FLRT1: variants seen among roughly 807,000 people sequenced by gnomAD.
FLRT1 encodes leucine-rich repeat transmembrane protein FLRT1.
In FLRT1, 14 loss-of-function variants were observed where a neutral mutation model predicts 30.9. The observed-to-expected ratio is 0.45, with a 90% CI of 0.30 to 0.71. The LOEUF (loss-of-function observed/expected upper bound fraction) is 0.71. Ranked by LOEUF, FLRT1 falls within the 30% of genes least tolerant of loss-of-function variation. The probability of loss-of-function intolerance (pLI) is 0.08; values close to 1 mark genes in which losing one functional copy is unlikely to be tolerated. For synonymous variants in FLRT1, 368 were observed against 430.4 expected (o/e 0.85, Z 1.80); for missense variants, 737 against 949.2 (o/e 0.78, Z 2.94).
intron 1 of FLRT1, among the ~76,000 whole-genome samples, chr11:64,100,001 C>T (rs761184827): frequency 7.9e-5 from 12 of 152,138 alleles, no homozygotes; most frequent in Middle Eastern, 3.2e-3. Context: ...GTTTCTCTTG[C>T]GCTGTCTTGG....
intron 1 of FLRT1, among the ~76,000 whole-genome samples, chr11:64,041,405 G>A (rs181118810): frequency 6.6e-6 from 1 of 151,756 alleles, no homozygotes; most frequent in East Asian, 1.9e-4. Context: ...AAATGCTGCC[G>A]GGTGCTGGAA....
chr11:64,066,492 G>A (rs1262919717), intron 1 of FLRT1, among the ~76,000 whole-genome samples: 4 of 150,554 alleles, frequency 2.7e-5, no homozygotes, highest in Admixed American at 6.6e-5. Context: ...GGTGGCATGC[G>A]CCTGTAGTCC....
intron 1 of FLRT1, among the ~76,000 whole-genome samples, chr11:64,051,261 CAG>C (rs779109932): frequency 1.3e-5 from 2 of 152,208 alleles, no homozygotes; most frequent in Non-Finnish European, 2.9e-5. Flanking sequence ...GGTGCCCAAT[CAG>C]GGGAGGGGAG....
rs781079934 is a variant in FLRT1, at chr11:64,068,555, TAC to T, written c.-1038+32398_-1038+32399del. ...GCACATATTTACTGCCGATTACTCT[TAC>T]AGAGCCCCGCATTCCCATTTGATTG... On this transcript the variant is annotated intron_variant, in intron 1 of 2. Transcript: ENST00000682287. Among the ~76,000 whole-genome samples the T allele has an allele frequency of 9.2e-5, 14 of 152,348 alleles. No individual in the cohort carries two copies. The South Asian group carries it at 1.2e-3, about 14-fold the overall frequency.
At position 64,086,293 on chromosome 11, in the gene FLRT1, C is replaced by T. The variant is rs537983582; in HGVS notation, c.-1037-16901C>T. On this transcript the variant is annotated intron_variant, in intron 1 of 2. Coordinates refer to ENST00000682287, the MANE Select transcript of FLRT1 (RefSeq NM_013280.5). ...TTTGTTGAATTGTGGTTTTAGGAGG[C>T]GTAAAGTGCATACCGGCACCTGCAC... is the stretch of plus-strand genomic sequence containing the variant. Among the ~76,000 whole-genome samples, 6 of 152,022 alleles carry T rather than the reference C, an allele frequency of 3.9e-5. No homozygotes were observed. In the South Asian group the frequency reaches 6.2e-4, roughly 16 times the overall value.
At chr11:64,093,296 C>G (rs1218938097) in intron 1 of FLRT1, among the ~76,000 whole-genome samples, 2 of 152,222 alleles carry the variant, frequency 1.3e-5, no homozygotes, top group Non-Finnish European at 2.9e-5. Flanking sequence ...AGAACTCGAT[C>G]GAGTCAGCTG....
Position 64,118,090 on chromosome 11 carries a change from A to G in FLRT1, c.1823A>G (p.Asp608Gly), listed in dbSNP as rs763578691. Residue 608 changes from aspartate to glycine, a missense_variant, in exon 3 of 3, where the codon GAT becomes GGT. Coordinates refer to ENST00000682287, the MANE Select transcript of FLRT1 (RefSeq NM_013280.5). ...DDYMESGTKK[D>G]NSILEIRGPG... ...TATATGGAGTCAGGGACCAAGAAGG[A>G]TAACTCCATCCTGGAAATCCGCGGC... The G allele has an allele frequency of 9.9e-6, 16 of 1,611,962 alleles. No individual in the cohort carries two copies. The highest frequency in any genetic ancestry group is 1.3e-5 in the Non-Finnish European group (15 of 1,178,498).
At chr11:64,048,326 C>T (rs1160137832) in intron 1 of FLRT1, among the ~76,000 whole-genome samples, 2 of 152,240 alleles carry the variant, frequency 1.3e-5, no homozygotes, top group African/African-American at 4.8e-5. Context: ...GCCTTTGTGC[C>T]AGTGCACTGT....
At chr11:64,074,947 C>T (rs1335678195) in intron 1 of FLRT1, among the ~76,000 whole-genome samples, 2 of 152,178 alleles carry the variant, frequency 1.3e-5, no homozygotes, top group Non-Finnish European at 2.9e-5. Flanking sequence ...GGGTCACTTC[C>T]CATTAAATCA....
At chr11:64,110,719 G>A (rs1339862569) in intron 2 of FLRT1, among the ~76,000 whole-genome samples, 1 of 152,142 alleles carries the variant, frequency 6.6e-6, no homozygotes, top group East Asian at 1.9e-4. Flanking sequence ...CTCACACCAC[G>A]CTGAAGTCTG....
chr11:64,068,860 G>A (rs898361173), intron 1 of FLRT1, among the ~76,000 whole-genome samples: 16 of 152,338 alleles, frequency 1.1e-4, no homozygotes, highest in African/African-American at 3.4e-4. Context: ...AGTGAGCCTC[G>A]GCCTTCCCCG....
In FLRT1 at chr11:64,042,008, A is replaced by G. The variant is rs75107399; in HGVS notation, c.-1038+5849A>G. On this transcript the variant is annotated intron_variant, in intron 1 of 2. Transcript: ENST00000682287. The stretch of plus-strand genomic sequence containing the variant: ...TTCAGTGGGGGGCAGTTAGGGGCCC[A>G]CCCTTCCTTCTTCGCTCACTCACTC... Among the ~76,000 whole-genome samples, 43 of 151,894 alleles carry G rather than the reference A, an allele frequency of 2.8e-4. No homozygotes were observed. The East Asian group carries it at 8.2e-3, about 29-fold the overall frequency.
In FLRT1 at chr11:64,087,768, G is replaced by A. The variant is rs544394751; in HGVS notation, c.-1037-15426G>A. Reference sequence around the variant, plus strand: ...CCAGTACACAGAGCACGCTGTGCACGTCTGAATGACCGGAGGCTGGACGCC... The same window carrying A: ...CCAGTACACAGAGCACGCTGTGCACATCTGAATGACCGGAGGCTGGACGCC... On this transcript the variant is annotated intron_variant, in intron 1 of 2. Transcript: ENST00000682287. 8.5e-5 allele frequency among the ~76,000 whole-genome samples: 13 copies of A among 152,368 alleles called. No homozygotes were observed. In the South Asian group the frequency reaches 1.7e-3, roughly 19 times the overall value.
intron 1 of FLRT1, among the ~76,000 whole-genome samples, chr11:64,038,453 G>A (rs760321118): frequency 1.3e-5 from 2 of 152,212 alleles, no homozygotes; most frequent in Non-Finnish European, 2.9e-5. Flanking sequence ...AGAGGACTAG[G>A]GCTCCAGGTG....
intron 1 of FLRT1, among the ~76,000 whole-genome samples, chr11:64,087,916 GGA>G (rs1181552091): frequency 6.6e-6 from 1 of 152,168 alleles, no homozygotes; most frequent in Non-Finnish European, 1.5e-5. Flanking sequence ...GGGGAGAGGT[GGA>G]GAGGCCTGGA....
intron 2 of FLRT1, among the ~76,000 whole-genome samples, chr11:64,110,154 A>G (rs1462284160): frequency 6.6e-6 from 1 of 152,158 alleles, no homozygotes; most frequent in East Asian, 1.9e-4. Context: ...CTTGCTCAAA[A>G]TAACACAGCC....
chr11:64,050,264 C>T (rs185148435), intron 1 of FLRT1, among the ~76,000 whole-genome samples: 1 of 152,258 alleles, frequency 6.6e-6, no homozygotes, highest in East Asian at 1.9e-4. Context: ...CCTGAGACCC[C>T]GAGAGATGAG....
rs1415144253 is a variant in FLRT1, at chr11:64,096,541, G to A, written c.-1037-6653G>A. On this transcript the variant is annotated intron_variant, in intron 1 of 2. Transcript: ENST00000682287. This position sits in a 1 kb window ranked among gnomAD's most constrained non-coding sequence, Gnocchi z 4.6. ...AGCAATTCTCTTGCCTCAGCCCACC[G>A]AGTAGCTGGGATTACAGGCGCCTGC... Among the ~76,000 whole-genome samples the A allele has an allele frequency of 2.6e-5, 4 of 151,954 alleles. No individual in the cohort carries two copies. The South Asian group carries it at 6.2e-4, about 24-fold the overall frequency.
intron 1 of FLRT1, among the ~76,000 whole-genome samples, chr11:64,041,337 C>T (rs1369762181): frequency 6.6e-6 from 1 of 151,986 alleles, no homozygotes; most frequent in Non-Finnish European, 1.5e-5. Flanking sequence ...TCCTGCTGCC[C>T]CCCACCCCTC....
Sources: allele counts gnomAD v4.1 joint callset (sites outside exome capture counted in the v4.1 genomes callset), GRCh38; gene constraint gnomAD v4.1.1; non-coding constraint Gnocchi (gnomAD v3.1); transcripts MANE v1.5; gene names NCBI Gene and HGNC (gene_info 2026-07-23, HGNC 2026-07-21).